The following THAP4 variants were observed in gnomAD, a reference collection of about 807,000 sequenced individuals.
The protein encoded by THAP4 is peroxynitrite isomerase THAP4.
A neutral mutation model predicts 48.1 loss-of-function variants in THAP4; 18 were observed. The observed-to-expected ratio is 0.37, with a 90% CI of 0.26 to 0.56. The LOEUF (loss-of-function observed/expected upper bound fraction) is 0.56. Ranked by LOEUF, THAP4 falls within the 20% of genes least tolerant of loss-of-function variation. The pLI is 0.78. For missense variants in THAP4, 656 were observed against 774.9 expected (o/e 0.85, Z 1.82); for synonymous variants, 345 against 324.9 (o/e 1.06, Z -0.66).
upstream of THAP4, chr2:241,637,198 G>T: frequency 1.0e-6 from 1 of 988,754 alleles, no homozygotes; most frequent in Non-Finnish European, 1.2e-6. Flanking sequence ...CCCCGCCCCA[G>T]CCCCCGCCCG....
At chr2:241,615,812 C>A (rs552460194) in intron 2 of THAP4, among the ~76,000 whole-genome samples, 21 of 152,326 alleles carry the variant, frequency 1.4e-4, no homozygotes, top group African/African-American at 4.8e-4. Flanking sequence ...CTGGCAGCCA[C>A]CCAGCACATC....
intron 2 of THAP4, among the ~76,000 whole-genome samples, chr2:241,627,418 C>T (rs932276977): frequency 6.6e-6 from 1 of 152,290 alleles, no homozygotes; most frequent in Admixed American, 6.5e-5. Flanking sequence ...CAAGCAAGAC[C>T]GCGAACACGT....
In THAP4 at chr2:241,633,782, T is replaced by A; in HGVS notation, c.375A>T (p.Ala125=). 7.4e-6 allele frequency: 12 copies of A among 1,613,714 alleles called. No homozygotes were observed. Among genetic ancestry groups the A allele is most frequent in the Non-Finnish European group, 1.0e-5 (12 of 1,179,680 alleles). Residue 125 remains alanine, a synonymous_variant, in exon 2 of 6, where the codon GCA becomes GCT. Transcript: ENST00000407315. This position sits in a 1 kb window ranked among gnomAD's most constrained non-coding sequence, Gnocchi z 7.5. ...TTCCACTCGAGGACGGTGACCAACC[T>A]GCAGCTCCTCTGCTGGTGGCGGCAC... ...HSSAATSRGA[A]GWSPSSSGNP...
rs925239279 is a variant in THAP4 at position 241,616,903 on chromosome 2, C to T, written c.1241-10430G>A. 1.3e-5 allele frequency among the ~76,000 whole-genome samples: 2 copies of T among 151,722 alleles called. No individual in the cohort carries two copies. Among genetic ancestry groups the T allele is most frequent in the Admixed American group, 6.6e-5 (1 of 15,222 alleles). Reference sequence around the variant, plus strand: ...AACAGGTCAGGCAGTAAACAAGCAGCGGCGGCGCCTCCTTCTGTCTACACT... The same window carrying T: ...AACAGGTCAGGCAGTAAACAAGCAGTGGCGGCGCCTCCTTCTGTCTACACT... On this transcript the variant is annotated intron_variant, in intron 2 of 5. Coordinates refer to ENST00000407315, the MANE Select transcript of THAP4 (RefSeq NM_015963.6). This position sits in a 1 kb window ranked among gnomAD's most constrained non-coding sequence, Gnocchi z 4.6.
At chr2:241,596,676 C>T (rs942626984) in intron 5 of THAP4, among the ~76,000 whole-genome samples, 11 of 151,070 alleles carry the variant, frequency 7.3e-5, no homozygotes, top group South Asian at 2.1e-4. Context: ...CGTGGTGGCG[C>T]GCACCTGTAG....
At chr2:241,629,038 A>C (rs960378291) in intron 2 of THAP4, among the ~76,000 whole-genome samples, 2 of 152,124 alleles carry the variant, frequency 1.3e-5, no homozygotes, top group African/African-American at 4.8e-5. Context: ...CTTCAATCTA[A>C]TAATCATGGT....
chr2:241,626,428 C>T lies in THAP4; in HGVS notation c.1240+6489G>A, dbSNP rs558638417. On this transcript the variant is annotated intron_variant, in intron 2 of 5. Transcript: ENST00000407315. ...TGCACTCTAGCCTGGGCAACAAGAG[C>T]GAAACTACGTCTCAAAACAAAAACA... Among the ~76,000 whole-genome samples the T allele has an allele frequency of 1.5e-4, 23 of 151,474 alleles. No individual in the cohort carries two copies. In the East Asian group the frequency reaches 1.6e-3, roughly 10 times the overall value.
chr2:241,600,861 G>A (rs1385142381), intron 5 of THAP4, among the ~76,000 whole-genome samples: 1 of 152,068 alleles, frequency 6.6e-6, no homozygotes, highest in Non-Finnish European at 1.5e-5. Flanking sequence ...GGAAAGCTGA[G>A]CACCTGTGGG....
chr2:241,607,586 C>G (rs1274686656), intron 2 of THAP4, among the ~76,000 whole-genome samples: 3 of 151,384 alleles, frequency 2.0e-5, no homozygotes, highest in Non-Finnish European at 4.4e-5. Flanking sequence ...GGGACAGAAG[C>G]AGCTCTGTGG....
Position 241,584,478 on chromosome 2 carries a change from G to A in THAP4, c.*128C>T. ...TTTCTATGCCAGTACAGAAACATCT[G>A]GACAACACTCTTGAGCCTGCAGAGG... On this transcript the variant is annotated 3_prime_UTR_variant, in exon 6 of 6. Transcript: ENST00000407315. 1 of 1,000,028 alleles carries A rather than the reference G, an allele frequency of 1.0e-6. No homozygotes were observed. The highest frequency in any genetic ancestry group is 1.5e-6 in the Non-Finnish European group (1 of 660,220). 61.9% of individuals were successfully genotyped at this position (1,000,028 alleles called of 1,614,324 possible).
chr2:241,586,307 C>A (rs528870270), intron 5 of THAP4, among the ~76,000 whole-genome samples: 4 of 150,250 alleles, frequency 2.7e-5, no homozygotes, highest in East Asian at 3.9e-4. Context: ...TGGGTGGGGT[C>A]CCTGAAGGGT....
rs2067598408 is a variant in THAP4 at position 241,633,579 on chromosome 2, G to A, written c.578C>T (p.Ser193Phe). The A allele has an allele frequency of 6.2e-7, 1 of 1,613,622 alleles. No homozygotes were observed. ...VAGSQGKAEA[S>F]ATDAGDESAT... ...GCTCTCATCGCCAGCATCTGTGGCA[G>A]ACGCTTCTGCTTTTCCCTGACTGCC... Residue 193 changes from serine to phenylalanine, a missense_variant, in exon 2 of 6, where the codon TCT (serine) becomes TTT (phenylalanine). Physicochemically the swap from Ser to Phe is radical, Grantham distance 155. This residue lies in a region of THAP4 where 391 missense variants were observed against 412.4 expected (regional missense o/e 0.95). Coordinates refer to ENST00000407315, the MANE Select transcript of THAP4 (RefSeq NM_015963.6). This position sits in a 1 kb window ranked among gnomAD's most constrained non-coding sequence, Gnocchi z 7.5.
rs767325559 is a variant in THAP4, at chr2:241,636,931, G to A, written c.77+10C>T. ...CGGGGCGGGGGCGTGGCGGCCCGGG[G>A]CCCGCGTACCTGTGGAAGGAGACGG... On this transcript the variant is annotated intron_variant, in intron 1 of 5. Coordinates refer to ENST00000407315, the MANE Select transcript of THAP4 (RefSeq NM_015963.6). The A allele has an allele frequency of 2.3e-5, 29 of 1,250,682 alleles. No homozygotes were observed. In the South Asian group the frequency reaches 3.2e-4, roughly 14 times the overall value. 77.5% of individuals were successfully genotyped at this position (1,250,682 alleles called of 1,614,324 possible). A position where few individuals can be genotyped will look rare whatever the true frequency, so the allele number is the denominator to read the frequency against.
At chr2:241,585,094 G>C (rs1483050307) in intron 5 of THAP4, 1 of 196,188 alleles carries the variant, frequency 5.1e-6, no homozygotes, top group Non-Finnish European at 1.1e-5. Context: ...TCATATACCT[G>C]ATCAGACAAG....
chr2:241,589,923 T>G (rs1447045496), intron 5 of THAP4, among the ~76,000 whole-genome samples: 1 of 152,110 alleles, frequency 6.6e-6, no homozygotes, highest in Non-Finnish European at 1.5e-5. Context: ...CGGAAACAAA[T>G]GAGTTGTGTG....
At chr2:241,592,857 G>A (rs1030653500) in intron 5 of THAP4, among the ~76,000 whole-genome samples, 2 of 152,184 alleles carry the variant, frequency 1.3e-5, no homozygotes, top group African/African-American at 2.4e-5. Flanking sequence ...TGCCTAACAA[G>A]GGCCACGGGA....
chr2:241,606,234 CTT>C, intron 3 of THAP4, 78 bp downstream of exon 3: 2 of 1,352,056 alleles, frequency 1.5e-6, no homozygotes, highest in Non-Finnish European at 9.8e-7. Flanking sequence ...TGGCCTTTGT[CTT>C]TGATCAGTCT....
intron 5 of THAP4, among the ~76,000 whole-genome samples, chr2:241,588,488 AG>A (rs572759389): frequency 5.3e-4 from 80 of 152,380 alleles, no homozygotes; most frequent in Non-Finnish European, 9.6e-4. Context: ...TTTGGAAAAA[AG>A]AAAAAGAAGA....
At chr2:241,631,661 T>C (rs1280175063) in intron 2 of THAP4, among the ~76,000 whole-genome samples, 1 of 152,130 alleles carries the variant, frequency 6.6e-6, no homozygotes, top group Non-Finnish European at 1.5e-5. Flanking sequence ...AGATGGGGTC[T>C]CCCTATGTTG....
Sources: gnomAD v4.1 joint callset for allele counts (sites outside exome capture counted in the v4.1 genomes callset) on GRCh38, gnomAD v4.1.1 for gene constraint, gnomAD v4.1.1 regional missense constraint, Gnocchi (gnomAD v3.1) non-coding constraint, MANE v1.5 for transcripts, NCBI Gene and HGNC (gene_info 2026-07-23, HGNC 2026-07-21) for gene names.